The following CGNL1 variants were observed in gnomAD, a reference collection of about 807,000 sequenced individuals.
The protein encoded by CGNL1 is cingulin-like protein 1.
Under a neutral mutation model 141.2 loss-of-function variants are expected in CGNL1, and 132 were observed. That is an observed-to-expected ratio of 0.93 (90% CI 0.81 to 1.08). The LOEUF (loss-of-function observed/expected upper bound fraction) is 1.08. Ranked by LOEUF, CGNL1 falls within the 50% of genes least tolerant of loss-of-function variation. CGNL1 has a pLI of 0.00. For missense variants in CGNL1, 1,870 were observed against 1,588.6 expected (o/e 1.18, Z -3.01); for synonymous variants, 690 against 622.1 (o/e 1.11, Z -1.63).
In CGNL1 at chr15:57,422,728, G is replaced by A. The variant is rs117445235; in HGVS notation, c.-15-15257G>A. ...AGGTTGCATGTTGTGAGATAGTAAG[G>A]CGAAGGTGAGGCACCTAGTGTCAGT... is the stretch of plus-strand genomic sequence containing the variant. On this transcript the variant is annotated intron_variant, in intron 1 of 18. Coordinates refer to ENST00000281282, the MANE Select transcript of CGNL1 (RefSeq NM_032866.5). Among the ~76,000 whole-genome samples the A allele has an allele frequency of 2.8e-4, 42 of 152,286 alleles. No homozygotes were observed. In the East Asian group the frequency reaches 7.3e-3, roughly 27 times the overall value.
chr15:57,537,265 G>A (rs571265561), intron 14 of CGNL1, among the ~76,000 whole-genome samples: 19 of 152,284 alleles, frequency 1.2e-4, no homozygotes, highest in African/African-American at 4.3e-4. Context: ...CAGGGACTGA[G>A]CAAGGCTGCC....
At chr15:57,502,587 A>C (rs1465117825) in intron 8 of CGNL1, among the ~76,000 whole-genome samples, 1 of 152,198 alleles carries the variant, frequency 6.6e-6, no homozygotes, top group African/African-American at 2.4e-5. Flanking sequence ...CAGAGAGAGG[A>C]AATAACCTTT....
chr15:57,501,940 G>C (rs1029643314), intron 8 of CGNL1, among the ~76,000 whole-genome samples: 1 of 152,178 alleles, frequency 6.6e-6, no homozygotes, highest in African/African-American at 2.4e-5. Flanking sequence ...CCTTTGGTTG[G>C]TAGTCTTTAG....
intron 8 of CGNL1, among the ~76,000 whole-genome samples, chr15:57,501,084 G>A (rs2064017591): frequency 6.6e-6 from 1 of 152,180 alleles, no homozygotes. Context: ...CCTCTATCAA[G>A]CTGATTAATT....
chr15:57,534,090 A>C (rs1427385969), intron 14 of CGNL1, among the ~76,000 whole-genome samples: 1 of 152,214 alleles, frequency 6.6e-6, no homozygotes, highest in Non-Finnish European at 1.5e-5. Context: ...CAATGCTGCA[A>C]GAAGGTTTCA....
At chr15:57,525,716 C>T (rs1311200023) in intron 12 of CGNL1, among the ~76,000 whole-genome samples, 3 of 151,720 alleles carry the variant, frequency 2.0e-5, no homozygotes, top group African/African-American at 7.3e-5. Flanking sequence ...GAAAAGTCAC[C>T]CATGAGTCAG....
intron 8 of CGNL1, among the ~76,000 whole-genome samples, chr15:57,462,134 T>A (rs970929871): frequency 6.6e-5 from 10 of 152,088 alleles, no homozygotes; most frequent in Non-Finnish European, 1.2e-4. Flanking sequence ...GAGGGGGAGA[T>A]GAAGAAGCTG....
chr15:57,414,596 G>C, intron 1 of CGNL1, among the ~76,000 whole-genome samples: 1 of 152,082 alleles, frequency 6.6e-6, no homozygotes, highest in South Asian at 2.1e-4. Context: ...AGAGGTCACC[G>C]TGGTGTTTGC....
chr15:57,460,163 C>T (rs1333022228), intron 7 of CGNL1, among the ~76,000 whole-genome samples: 3 of 151,996 alleles, frequency 2.0e-5, no homozygotes, highest in African/African-American at 7.3e-5. Flanking sequence ...GTTATCTTGG[C>T]ACTACAAGAA....
chr15:57,401,191 T>C (rs958619826), intron 1 of CGNL1, among the ~76,000 whole-genome samples: 12 of 152,198 alleles, frequency 7.9e-5, no homozygotes, highest in African/African-American at 2.9e-4. Context: ...TTGGTATAGA[T>C]ATATCGTAAT....
At chr15:57,480,575 C>T (rs1318279404) in intron 8 of CGNL1, among the ~76,000 whole-genome samples, 1 of 152,086 alleles carries the variant, frequency 6.6e-6, no homozygotes, top group African/African-American at 2.4e-5. Context: ...TAAAAAGTTA[C>T]AACCATCATT....
At chr15:57,479,971 T>C (rs113026721) in intron 8 of CGNL1, among the ~76,000 whole-genome samples, 5,331 of 152,210 alleles carry the variant, frequency 0.035, 310 homozygotes, top group African/African-American at 0.12. Context: ...GGAGAAGCCG[T>C]GAGCTACATA....
At chr15:57,475,827 A>T (rs1024554834) in intron 8 of CGNL1, among the ~76,000 whole-genome samples, 4 of 151,840 alleles carry the variant, frequency 2.6e-5, no homozygotes, top group Admixed American at 1.3e-4. Context: ...TCTGTCCCCA[A>T]CATCCTTCAC....
chr15:57,543,551 C>T, intron 14 of CGNL1, 145 bp from the exon 15 acceptor site: 2 of 679,692 alleles, frequency 2.9e-6, no homozygotes, highest in Non-Finnish European at 5.3e-6. Flanking sequence ...AGATCCCGTA[C>T]CCCAGAGCAG....
chr15:57,435,711 T>C (rs1307864389), intron 1 of CGNL1, among the ~76,000 whole-genome samples: 5 of 152,052 alleles, frequency 3.3e-5, no homozygotes, highest in Admixed American at 6.5e-5. Context: ...ATGCTACTGG[T>C]AGGAAACTGA....
At chr15:57,454,809 C>T (rs946761333) in intron 7 of CGNL1, among the ~76,000 whole-genome samples, 4 of 152,008 alleles carry the variant, frequency 2.6e-5, no homozygotes, top group African/African-American at 9.7e-5. Context: ...TCTCATGGTG[C>T]TGTTTTCTCT....
intron 8 of CGNL1, among the ~76,000 whole-genome samples, chr15:57,469,972 G>A (rs2063558546): frequency 6.6e-6 from 1 of 152,180 alleles, no homozygotes; most frequent in African/African-American, 2.4e-5. Flanking sequence ...GGCTAATTCA[G>A]TGTAAAATCT....
At chr15:57,431,646 CGTGGGCTGCCT>C (rs1408570701) in intron 1 of CGNL1, among the ~76,000 whole-genome samples, 3 of 152,206 alleles carry the variant, frequency 2.0e-5, no homozygotes, top group African/African-American at 7.2e-5. Flanking sequence ...ACCTGCGGCC[CGTGGGCTGCCT>C]GTGGCCCAGG....
chr15:57,460,128 C>T (rs1400383538), intron 7 of CGNL1, among the ~76,000 whole-genome samples: 1 of 152,016 alleles, frequency 6.6e-6, no homozygotes, highest in Non-Finnish European at 1.5e-5. Context: ...AAGAAACAGC[C>T]TGAGGGAAGA....
Sources: allele counts gnomAD v4.1 joint callset (sites outside exome capture counted in the v4.1 genomes callset), GRCh38; gene constraint gnomAD v4.1.1; transcripts MANE v1.5; gene names NCBI Gene and HGNC (gene_info 2026-07-23, HGNC 2026-07-21).